Variants in SPRED1 observed in about 807,000 individuals in gnomAD.
The protein encoded by SPRED1 is sprouty related EVH1 domain containing 1.
SPRED1 carries 18 observed loss-of-function variants against 52.3 expected under a neutral mutation model. The ratio of observed to expected loss-of-function variants is 0.34; its 90% CI spans 0.24 to 0.51. The LOEUF (loss-of-function observed/expected upper bound fraction) is 0.51, where lower values mean the gene tolerates loss of function less well. Among genes scored for constraint, SPRED1 ranks in the 20% least tolerant of loss-of-function variants. The pLI is 0.97. For missense variants in SPRED1, 485 were observed against 551.0 expected (o/e 0.88, Z 1.20); for synonymous variants, 155 against 179.7 (o/e 0.86, Z 1.10).
intron 2 of SPRED1, among the ~76,000 whole-genome samples, chr15:38,308,810 G>GT: frequency 6.6e-6 from 1 of 152,278 alleles, no homozygotes; most frequent in African/African-American, 2.4e-5. Context: ...TTCTGTGAAT[G>GT]TAAGTTTTAT....
intron 1 of SPRED1, among the ~76,000 whole-genome samples, chr15:38,288,750 G>A (rs1490974354): frequency 6.6e-6 from 1 of 151,984 alleles, no homozygotes; most frequent in Non-Finnish European, 1.5e-5. Context: ...ATATTGCCAG[G>A]CTATGCTAAC....
rs532488078 is a variant in SPRED1 at position 38,309,563 on chromosome 15, C to A, written c.207+10016C>A. Among the ~76,000 whole-genome samples the A allele has an allele frequency of 3.9e-5, 6 of 152,328 alleles. No individual in the cohort carries two copies. The South Asian group carries it at 1.2e-3, about 32-fold the overall frequency. ...GTAGCTTGTCTTTTCATCTTCTGAA[C>A]ATGGCCTTTTGCAGACCAAAGTTTT... On this transcript the variant is annotated intron_variant, in intron 2 of 6. Transcript: ENST00000299084.
intron 6 of SPRED1, among the ~76,000 whole-genome samples, chr15:38,349,747 A>G (rs1888440887): frequency 6.6e-6 from 1 of 152,208 alleles, no homozygotes; most frequent in African/African-American, 2.4e-5. Flanking sequence ...TAGGACCAAA[A>G]GGAATTATAT....
Position 38,349,525 on chromosome 15 carries a change from T to G in SPRED1, c.684+2T>G. 1.3e-6 allele frequency: 2 copies of G among 1,586,868 alleles called. No homozygotes were observed. Among genetic ancestry groups the G allele is most frequent in the Middle Eastern group, 1.7e-4 (1 of 6,010 alleles). Reference sequence around the variant, plus strand: ...GGAAGCCTAAAGTCCCAAAATAGGGTAAGTAATGTTAGTTTATCTTGTGAT... The same window carrying G: ...GGAAGCCTAAAGTCCCAAAATAGGGGAAGTAATGTTAGTTTATCTTGTGAT... On this transcript the variant is annotated splice_donor_variant, in intron 6 of 6. Transcript: ENST00000299084. LOFTEE classifies it high-confidence loss of function.
intron 4 of SPRED1, among the ~76,000 whole-genome samples, chr15:38,326,965 A>G (rs981215750): frequency 3.9e-5 from 6 of 152,184 alleles, no homozygotes; most frequent in African/African-American, 1.2e-4. Context: ...ACCAATAACT[A>G]TGTTGTTCCT....
chr15:38,308,876 T>C (rs140661150), intron 2 of SPRED1, among the ~76,000 whole-genome samples: 66 of 152,318 alleles, frequency 4.3e-4, no homozygotes, highest in Non-Finnish European at 8.5e-4. Context: ...TAGTTGCATA[T>C]TTAGTTTTGT....
chr15:38,285,115 C>T (rs1421752308), intron 1 of SPRED1, among the ~76,000 whole-genome samples: 4 of 151,954 alleles, frequency 2.6e-5, no homozygotes, highest in Admixed American at 2.6e-4. Context: ...TGCTCCCTCT[C>T]CCTCCATTCA....
intron 4 of SPRED1, among the ~76,000 whole-genome samples, chr15:38,332,040 C>T (rs1595751877): frequency 6.6e-6 from 1 of 151,966 alleles, no homozygotes; most frequent in Non-Finnish European, 1.5e-5. Context: ...CAAAGTGTAA[C>T]TTGTATACTG....
chr15:38,280,553 G>T (rs947332814), intron 1 of SPRED1, among the ~76,000 whole-genome samples: 1 of 152,000 alleles, frequency 6.6e-6, no homozygotes. Flanking sequence ...AATTATAATT[G>T]AGTTAGACCA....
rs998177735 is a variant in SPRED1 at position 38,355,436 on chromosome 15, T to C, written c.*3772T>C. 5 of 152,254 alleles carry C rather than the reference T, an allele frequency of 3.3e-5. No homozygotes were observed. The highest frequency in any genetic ancestry group is 9.6e-5 in the African/African-American group (4 of 41,458). The allele number at this position is 152,254 out of a possible 1,614,324, so 9.4% of individuals were successfully genotyped here. On this transcript the variant is annotated 3_prime_UTR_variant, in exon 7 of 7. Coordinates refer to ENST00000299084, the MANE Select transcript of SPRED1 (RefSeq NM_152594.3). ...ATCTTGGGTAAGTCTTGCTTTTTCTTTTCTTTTTCCTCTCCCCTGCCCCCT... is the reference window on the plus strand; with the variant it reads ...ATCTTGGGTAAGTCTTGCTTTTTCTCTTCTTTTTCCTCTCCCCTGCCCCCT...
In SPRED1 at chr15:38,339,815, T is replaced by C; in HGVS notation, c.502T>C (p.Tyr168His). 6.2e-7 allele frequency: 1 copy of C among 1,613,942 alleles called. No homozygotes were observed. The highest frequency in any genetic ancestry group is 2.2e-5 in the East Asian group (1 of 44,834). The change falls in exon 5 of 7, where the codon TAT becomes CAT. Residue 168 changes from tyrosine (Y) to histidine (H), a missense_variant. Physicochemically the swap from Tyr to His is moderately conservative, Grantham distance 83. This residue lies in a region of SPRED1 where 232 missense variants were observed against 231.8 expected (regional missense o/e 1.00). Transcript: ENST00000299084. ...AGAGACAGTTGTTACCAGTGAGCCT[T>C]ATAGAAGCTCAAATATAAGACCTTC... ...QQETVVTSEP[Y>H]RSSNIRPSPF...
In SPRED1 at chr15:38,299,398, G is replaced by C. The variant is rs780614363; in HGVS notation, c.58G>C (p.Val20Leu). The change falls in exon 2 of 7, where the codon GTG becomes CTG. Residue 20 changes from valine (V) to leucine (L), a missense_variant. Physicochemically the swap from Val to Leu is conservative, Grantham distance 32. This residue lies in a region of SPRED1 where 34 missense variants were observed against 25.8 expected (regional missense o/e 1.32). Transcript: ENST00000299084. ...TAATAGTTATGCACGAGTGCGAGCT[G>C]TGGTGATGACCCGAGATGACTCAAG... ...NDNSYARVRA[V>L]VMTRDDSSGG... The C allele has an allele frequency of 1.2e-6, 2 of 1,613,972 alleles. No homozygotes were observed. Among genetic ancestry groups the C allele is most frequent in the East Asian group, 4.5e-5 (2 of 44,866 alleles).
At chr15:38,293,764 C>T (rs977339104) in intron 1 of SPRED1, among the ~76,000 whole-genome samples, 2 of 152,102 alleles carry the variant, frequency 1.3e-5, no homozygotes, top group Admixed American at 6.6e-5. Flanking sequence ...TTCTTTCTTT[C>T]TCTCTATCGC....
At chr15:38,276,845 G>A (rs1228192120) in intron 1 of SPRED1, among the ~76,000 whole-genome samples, 5 of 152,120 alleles carry the variant, frequency 3.3e-5, no homozygotes. Flanking sequence ...TTATCCTAAA[G>A]AAGTCTTATG....
chr15:38,322,682 TAAGAGCTTGAAGG>T lies in SPRED1; in HGVS notation c.376+279_376+291del, dbSNP rs3841233. Among the ~76,000 whole-genome samples the T allele has an allele frequency of 0.45, 68,001 of 151,864 alleles. 15,954 individuals carry two copies. Among genetic ancestry groups the T allele is most frequent in the Non-Finnish European group, 0.53 (35,837 of 67,846 alleles). ...TTCAGATAATTCAAATGTTTTAAAA[TAAGAGCTTGAAGG>T]AAGAGGGAATAGAAATGTACAGCTG... is the stretch of plus-strand genomic sequence containing the variant. On this transcript the variant is annotated intron_variant, in intron 3 of 6. Coordinates refer to ENST00000299084, the MANE Select transcript of SPRED1 (RefSeq NM_152594.3).
rs1896202969 is a variant in SPRED1, at chr15:38,349,307, C to T, written c.583-115C>T. ...AATGATTCTATTTTTATTCTCAAAA[C>T]CGTTTTTGAAAAACTTTACTGCTAA... On this transcript the variant is annotated intron_variant, in intron 5 of 6. Coordinates refer to ENST00000299084, the MANE Select transcript of SPRED1 (RefSeq NM_152594.3). 2.0e-5 allele frequency: 15 copies of T among 741,212 alleles called. No individual in the cohort carries two copies. In the South Asian group the frequency reaches 2.2e-4, roughly 11 times the overall value. The allele number at this position is 741,212 out of a possible 1,614,324, so 45.9% of individuals were successfully genotyped here.
intron 4 of SPRED1, among the ~76,000 whole-genome samples, chr15:38,336,408 A>G (rs2382128): frequency 0.23 from 7,366 of 32,130 alleles, 243 homozygotes; most frequent in Non-Finnish European, 0.26. Flanking sequence ...GTGTGTGTGT[A>G]TGTGTATGTG....
At chr15:38,315,923 A>G (rs1486822098) in intron 2 of SPRED1, among the ~76,000 whole-genome samples, 1 of 152,002 alleles carries the variant, frequency 6.6e-6, no homozygotes, top group Non-Finnish European at 1.5e-5. Flanking sequence ...AGTTCATCTA[A>G]TTCTCAAAAG....
At chr15:38,263,978 A>G (rs1427374331) in intron 1 of SPRED1, among the ~76,000 whole-genome samples, 1 of 152,240 alleles carries the variant, frequency 6.6e-6, no homozygotes, top group African/African-American at 2.4e-5. Flanking sequence ...CAGAGAAGTC[A>G]TAGAGTAGAT....
Sources: allele counts gnomAD v4.1 joint callset (sites outside exome capture counted in the v4.1 genomes callset), GRCh38; gene constraint gnomAD v4.1.1; regional missense constraint gnomAD v4.1.1; transcripts MANE v1.5; gene names NCBI Gene and HGNC (gene_info 2026-07-23, HGNC 2026-07-21).